Variants in MLIP observed in about 807,000 individuals in gnomAD.
The protein encoded by MLIP is muscular LMNA-interacting protein.
In MLIP, 79 loss-of-function variants were observed where a neutral mutation model predicts 84.8. The ratio of observed to expected loss-of-function variants is 0.93; its 90% confidence interval spans 0.78 to 1.12. The LOEUF (loss-of-function observed/expected upper bound fraction) is 1.12. Among genes scored for constraint, MLIP ranks in the 50% most tolerant of loss-of-function variants. The pLI, the probability that MLIP is intolerant of heterozygous loss-of-function variation, is 0.00. For missense variants in MLIP, 1,257 were observed against 1,160.6 expected (o/e 1.08, Z -1.21); for synonymous variants, 504 against 463.0 (o/e 1.09, Z -1.14).
intron 11 of MLIP, among the ~76,000 whole-genome samples, chr6:54,226,487 A>T (rs1262821577): frequency 6.6e-6 from 1 of 152,182 alleles, no homozygotes; most frequent in Non-Finnish European, 1.5e-5. Flanking sequence ...AAATAGCCTG[A>T]TCCATGTGCT....
chr6:54,176,114 G>A (rs1776259046), intron 9 of MLIP, among the ~76,000 whole-genome samples: 1 of 151,962 alleles, frequency 6.6e-6, no homozygotes, highest in Non-Finnish European at 1.5e-5. Flanking sequence ...TTAATGCACT[G>A]TTGAATTTGT....
intron 11 of MLIP, among the ~76,000 whole-genome samples, chr6:54,206,078 T>C (rs1779015393): frequency 6.6e-6 from 1 of 152,204 alleles, no homozygotes; most frequent in Non-Finnish European, 1.5e-5. Context: ...AGCAATTTGC[T>C]GATGAGAATG....
At chr6:54,201,647 T>C (rs1222144876) in intron 10 of MLIP, among the ~76,000 whole-genome samples, 1 of 152,170 alleles carries the variant, frequency 6.6e-6, no homozygotes, top group Non-Finnish European at 1.5e-5. Context: ...AATATGAACA[T>C]GGCATCTGGG....
intron 1 of MLIP, among the ~76,000 whole-genome samples, chr6:54,026,095 G>T (rs894898151): frequency 2.0e-5 from 3 of 152,136 alleles, no homozygotes; most frequent in Non-Finnish European, 2.9e-5. Flanking sequence ...TCGGAACCAG[G>T]ATTCTCTGAG....
chr6:54,050,275 G>T (rs1279105272), intron 1 of MLIP, among the ~76,000 whole-genome samples: 10 of 151,996 alleles, frequency 6.6e-5, no homozygotes, highest in Admixed American at 3.9e-4. Context: ...TCAATGGAAA[G>T]AAAATGAAAA....
chr6:54,070,126 TTAAG>T (rs1766393451), intron 1 of MLIP, among the ~76,000 whole-genome samples: 1 of 152,192 alleles, frequency 6.6e-6, no homozygotes, highest in South Asian at 2.1e-4. Flanking sequence ...CTCTGTTGTG[TTAAG>T]TGTTAAATGT....
intron 12 of MLIP, among the ~76,000 whole-genome samples, chr6:54,255,393 A>G (rs1301608987): frequency 6.6e-6 from 1 of 152,224 alleles, no homozygotes; most frequent in Non-Finnish European, 1.5e-5. Context: ...ACAAACCCAT[A>G]TAAAGAATTT....
In MLIP at chr6:54,121,436, A is replaced by G. The variant is rs760276534; in HGVS notation, c.97-11A>G. 2.5e-6 allele frequency: 4 copies of G among 1,612,728 alleles called. No individual in the cohort carries two copies. In the African/African-American group the frequency reaches 4.0e-5, roughly 16 times the overall value. Reference sequence around the variant, plus strand: ...CAAGGCTGAAAGTCTAATTAACTACATGTCTCATAGGTCTCTGCTGGTGGT... The same window carrying G: ...CAAGGCTGAAAGTCTAATTAACTACGTGTCTCATAGGTCTCTGCTGGTGGT... On this transcript the variant is annotated splice_polypyrimidine_tract_variant and intron_variant, in intron 1 of 13. Coordinates refer to ENST00000502396, the MANE Select transcript of MLIP (RefSeq NM_001281747.2).
At chr6:54,143,829 A>C (rs1045919326) in intron 4 of MLIP, among the ~76,000 whole-genome samples, 3 of 152,194 alleles carry the variant, frequency 2.0e-5, no homozygotes, top group Non-Finnish European at 4.4e-5. Flanking sequence ...TTTCTCTGCC[A>C]GGTTTGTATT....
chr6:54,182,373 G>A (rs955467428), intron 9 of MLIP, among the ~76,000 whole-genome samples: 9 of 152,234 alleles, frequency 5.9e-5, no homozygotes, highest in Admixed American at 5.9e-4. Flanking sequence ...GTGCTGCATG[G>A]TCACTACTGG....
intron 9 of MLIP, among the ~76,000 whole-genome samples, chr6:54,170,847 A>G (rs1397166508): frequency 6.6e-6 from 1 of 150,936 alleles, no homozygotes; most frequent in Non-Finnish European, 1.5e-5. Flanking sequence ...CCTCTTATCT[A>G]TCTTTGGAAG....
chr6:54,198,583 G>A (rs889936201), intron 10 of MLIP, among the ~76,000 whole-genome samples: 6 of 152,058 alleles, frequency 3.9e-5, no homozygotes, highest in Admixed American at 6.6e-5. Flanking sequence ...CTGAGGGGTC[G>A]GAAAGGTAAG....
chr6:54,230,798 C>G lies in MLIP; in HGVS notation c.2803C>G (p.Pro935Ala), dbSNP rs1483065930. ...LYPPAKSLLH[P>A]QTLSHADCLA... ...TCCTCCTGCTAAGTCACTGCTGCAT[C>G]CACAGACCCTCTCACATGCTGACTG... is the stretch of plus-strand genomic sequence containing the variant. Residue 935 changes from proline (P) to alanine (A), a missense_variant, in exon 12 of 14, where the codon CCA becomes GCA. Coordinates refer to ENST00000502396, the MANE Select transcript of MLIP (RefSeq NM_001281747.2). The G allele has an allele frequency of 6.2e-7, 1 of 1,614,086 alleles. No individual in the cohort carries two copies. Among genetic ancestry groups the G allele is most frequent in the Admixed American group, 1.7e-5 (1 of 60,004 alleles).
chr6:54,164,072 G>GT (rs1316632359), intron 8 of MLIP, among the ~76,000 whole-genome samples: 5 of 151,864 alleles, frequency 3.3e-5, no homozygotes, highest in African/African-American at 1.2e-4. Flanking sequence ...TTGCTCTATA[G>GT]TTTTTAAAAC....
intron 1 of MLIP, among the ~76,000 whole-genome samples, chr6:54,033,049 TTTAA>T (rs1168518257): frequency 6.6e-6 from 1 of 152,194 alleles, no homozygotes; most frequent in African/African-American, 2.4e-5. Context: ...ACAAAACATC[TTTAA>T]TTAAATTTTT....
chr6:54,085,540 G>T (rs1767429980), intron 1 of MLIP, among the ~76,000 whole-genome samples: 1 of 152,138 alleles, frequency 6.6e-6, no homozygotes, highest in African/African-American at 2.4e-5. Context: ...GAATTCTTGG[G>T]GGGATATTTG....
chr6:54,023,321 G>GGA (rs1461720665), intron 1 of MLIP, among the ~76,000 whole-genome samples: 1 of 151,636 alleles, frequency 6.6e-6, no homozygotes, highest in Non-Finnish European at 1.5e-5. Context: ...GCAACTCTTT[G>GGA]AGATTGAGAA....
At chr6:54,133,150 T>C (rs1021725800) in intron 3 of MLIP, among the ~76,000 whole-genome samples, 5 of 152,116 alleles carry the variant, frequency 3.3e-5, no homozygotes, top group Non-Finnish European at 7.3e-5. Context: ...GGCTTCGTCA[T>C]GAAGGAAGTA....
intron 11 of MLIP, among the ~76,000 whole-genome samples, chr6:54,222,440 A>T (rs1278008562): frequency 6.6e-6 from 1 of 151,774 alleles, no homozygotes; most frequent in Non-Finnish European, 1.5e-5. Flanking sequence ...ACTATTTTGG[A>T]TTTCACATTT....
Sources: gnomAD v4.1 joint callset for allele counts (sites outside exome capture counted in the v4.1 genomes callset) on GRCh38, gnomAD v4.1.1 for gene constraint, MANE v1.5 for transcripts, NCBI Gene and HGNC (gene_info 2026-07-23, HGNC 2026-07-21) for gene names.